Variants in TTLL9 observed in about 807,000 individuals in gnomAD.
TTLL9 encodes tubulin tyrosine ligase like 9.
TTLL9 carries 47 observed loss-of-function variants against 65.6 expected under a neutral mutation model. That is an observed-to-expected ratio of 0.72 (90% confidence interval 0.57 to 0.91). The LOEUF (loss-of-function observed/expected upper bound fraction) is 0.91. Among genes scored for constraint, TTLL9 ranks in the 40% least tolerant of loss-of-function variants. TTLL9 has a pLI of 0.00. For synonymous variants in TTLL9, 179 were observed against 204.8 expected (o/e 0.87, Z 1.07); for missense variants, 537 against 568.8 (o/e 0.94, Z 0.57).
At chr20:31,880,245 C>T (rs1032782465) in intron 2 of TTLL9, among the ~76,000 whole-genome samples, 1 of 152,074 alleles carries the variant, frequency 6.6e-6, no homozygotes, top group African/African-American at 2.4e-5. Flanking sequence ...CCTGACTTGG[C>T]GAAACCCGCC....
At chr20:31,882,919 A>C (rs1025529824) in intron 2 of TTLL9, among the ~76,000 whole-genome samples, 52 of 152,226 alleles carry the variant, frequency 3.4e-4, no homozygotes, top group Middle Eastern at 3.4e-3. Flanking sequence ...CACACACACA[A>C]AAAGGAAAAT....
intron 6 of TTLL9, among the ~76,000 whole-genome samples, chr20:31,918,414 G>C (rs566103295): frequency 2.6e-5 from 4 of 151,302 alleles, no homozygotes; most frequent in Non-Finnish European, 5.9e-5. Flanking sequence ...TCACACTGTT[G>C]CCCAGGCTGT....
At chr20:31,942,514 C>T (rs540370443) in intron 14 of TTLL9, among the ~76,000 whole-genome samples, 2 of 152,294 alleles carry the variant, frequency 1.3e-5, no homozygotes, top group Admixed American at 1.3e-4. Context: ...TGAGCAAAGC[C>T]AGGAGAAGCA....
At chr20:31,930,237 G>A (rs992282477) in intron 10 of TTLL9, among the ~76,000 whole-genome samples, 2 of 152,192 alleles carry the variant, frequency 1.3e-5, no homozygotes, top group African/African-American at 2.4e-5. Flanking sequence ...TTTCTGAAAC[G>A]ACTGGGCATG....
intron 2 of TTLL9, 93 bp downstream of exon 2, chr20:31,871,288 G>A (rs2062927708): frequency 4.3e-6 from 6 of 1,409,406 alleles, no homozygotes; most frequent in Admixed American, 3.4e-5. Context: ...GTCCTGGAAG[G>A]GGTCTGGAGA....
chr20:31,892,637 G>A (rs2063323577), intron 3 of TTLL9, among the ~76,000 whole-genome samples: 1 of 152,146 alleles, frequency 6.6e-6, no homozygotes, highest in Admixed American at 6.5e-5. Context: ...TTGGTTGAAG[G>A]ACAGGAAGAA....
At chr20:31,927,480 C>CAAAAAAA (rs777895091) in intron 10 of TTLL9, among the ~76,000 whole-genome samples, 111 of 53,932 alleles carry the variant, frequency 2.1e-3, no homozygotes, top group East Asian at 2.9e-3. Context: ...GACTCTGTCT[C>CAAAAAAA]AAAAAAAAAA....
At chr20:31,924,893 C>T in intron 8 of TTLL9, 116 bp from the exon 9 acceptor site, 2 of 1,140,038 alleles carry the variant, frequency 1.8e-6, no homozygotes, top group East Asian at 2.6e-5. Flanking sequence ...GTAGTTTCAG[C>T]AGGAGCTTCA....
At chr20:31,909,689 G>T in intron 5 of TTLL9, 48 bp from the exon 6 acceptor site, 1 of 1,578,228 alleles carries the variant, frequency 6.3e-7, no homozygotes, top group East Asian at 2.3e-5. Context: ...GGAGGGGAGC[G>T]GGGCTGTGAG....
intron 2 of TTLL9, among the ~76,000 whole-genome samples, chr20:31,873,801 G>T (rs867880202): frequency 2.3e-5 from 2 of 85,648 alleles, no homozygotes; most frequent in Non-Finnish European, 2.3e-5. Flanking sequence ...AGAAAGGAAG[G>T]AAGGAAGGAA....
chr20:31,878,297 G>A (rs988386574), intron 2 of TTLL9, among the ~76,000 whole-genome samples: 5 of 152,214 alleles, frequency 3.3e-5, no homozygotes, highest in Non-Finnish European at 5.9e-5. Context: ...TATTTCAGAA[G>A]GGAAGAATGG....
chr20:31,932,500 G>C (rs1568834036), intron 10 of TTLL9, among the ~76,000 whole-genome samples: 1 of 123,102 alleles, frequency 8.1e-6, no homozygotes, highest in South Asian at 2.4e-4. Context: ...TAAAGAAGAC[G>C]TCTAGGAAAA....
At chr20:31,923,213 T>C (rs543514554) in intron 8 of TTLL9, among the ~76,000 whole-genome samples, 160 bp downstream of exon 8, 6 of 152,314 alleles carry the variant, frequency 3.9e-5, no homozygotes, top group South Asian at 4.1e-4. Context: ...TCCTAGCCAT[T>C]GCCTGTACAG....
intron 7 of TTLL9, among the ~76,000 whole-genome samples, chr20:31,921,119 CAGGATGT>C (rs1194664094): frequency 6.6e-6 from 1 of 152,200 alleles, no homozygotes; most frequent in Non-Finnish European, 1.5e-5. Context: ...TAGCCACATG[CAGGATGT>C]TGAGCACTTG....
intron 3 of TTLL9, among the ~76,000 whole-genome samples, chr20:31,896,941 G>A (rs1194139189): frequency 6.6e-6 from 1 of 152,156 alleles, no homozygotes; most frequent in African/African-American, 2.4e-5. Flanking sequence ...ATTGCATTTT[G>A]TTAAGGATTT....
chr20:31,897,137 C>T (rs1331248949), intron 3 of TTLL9, among the ~76,000 whole-genome samples: 1 of 152,168 alleles, frequency 6.6e-6, no homozygotes, highest in Non-Finnish European at 1.5e-5. Context: ...GGAAATTCTC[C>T]AGTGAAACCA....
chr20:31,920,241 AC>A (rs2063797026), intron 7 of TTLL9, among the ~76,000 whole-genome samples: 1 of 151,646 alleles, frequency 6.6e-6, no homozygotes, highest in Non-Finnish European at 1.5e-5. Context: ...ACACACACAC[AC>A]ACACACACAT....
Position 31,870,945 on chromosome 20 carries a change from G to GA in TTLL9, c.-9dup. The GA allele has an allele frequency of 1.5e-6, 1 of 666,740 alleles. No homozygotes were observed. Among genetic ancestry groups the GA allele is most frequent in the Non-Finnish European group, 2.7e-6 (1 of 367,122 alleles). 41.3% of individuals were successfully genotyped at this position (666,740 alleles called of 1,614,324 possible). A position where few individuals can be genotyped will look rare whatever the true frequency, so the allele number is the denominator to read the frequency against. On this transcript the variant is annotated 5_prime_UTR_variant, in exon 1 of 15. The change abolishes the stop of an existing upstream ORF in the 5' untranslated region. Transcript: ENST00000535842. The surrounding 1 kb of genome is among the most constrained non-coding windows in gnomAD (Gnocchi z 6.6). ...GCTCTTCAGAGTCTGCTTGGAACGG[G>GA]ATAAGTGGGTAATTCCTTCCGATAC...
At chr20:31,879,752 C>A (rs1448513638) in intron 2 of TTLL9, 1 of 1,479,764 alleles carries the variant, frequency 6.8e-7, no homozygotes, top group Non-Finnish European at 9.1e-7. Context: ...CGCACTCCGC[C>A]GAGAGCATGC....
Sources: allele counts gnomAD v4.1 joint callset (sites outside exome capture counted in the v4.1 genomes callset), GRCh38; gene constraint gnomAD v4.1.1; non-coding constraint Gnocchi (gnomAD v3.1); transcripts MANE v1.5; gene names NCBI Gene and HGNC (gene_info 2026-07-23, HGNC 2026-07-21).